Variants in ZNF236 observed in about 807,000 individuals in gnomAD.
ZNF236 encodes zinc finger protein 236.
Under a neutral mutation model 191.2 loss-of-function variants are expected in ZNF236, and 50 were observed. That is an observed-to-expected ratio of 0.26 (90% CI 0.21 to 0.33). The LOEUF is 0.33. Among genes scored for constraint, ZNF236 ranks in the 10% least tolerant of loss-of-function variants. ZNF236 has a pLI of 1.00. For missense variants in ZNF236, 1,754 were observed against 2,374.5 expected (o/e 0.74, Z 5.43); for synonymous variants, 907 against 928.8 (o/e 0.98, Z 0.43).
intron 4 of ZNF236, among the ~76,000 whole-genome samples, chr18:76,869,848 C>T (rs777077923): frequency 5.9e-5 from 9 of 152,022 alleles, no homozygotes; most frequent in South Asian, 2.1e-4. Flanking sequence ...CCCAGGTACT[C>T]GGGAGGCTGA....
intron 19 of ZNF236, among the ~76,000 whole-genome samples, chr18:76,916,901 C>T (rs1967381710): frequency 6.6e-6 from 1 of 152,200 alleles, no homozygotes; most frequent in Non-Finnish European, 1.5e-5. Context: ...ATCATCCTCT[C>T]TCAAGGTACT....
chr18:76,954,682 T>TC (rs1968482173), intron 27 of ZNF236, among the ~76,000 whole-genome samples: 1 of 152,210 alleles, frequency 6.6e-6, no homozygotes, highest in Non-Finnish European at 1.5e-5. Context: ...GGTGTCCTAT[T>TC]GTAGAATAAC....
intron 26 of ZNF236, among the ~76,000 whole-genome samples, chr18:76,940,105 C>CGTTTGGG (rs1161429356): frequency 7.0e-6 from 1 of 142,106 alleles, no homozygotes; most frequent in African/African-American, 2.7e-5. Flanking sequence ...CCTAGCACTG[C>CGTTTGGG]ATTTGGGAAC....
At chr18:76,955,916 T>C in intron 27 of ZNF236, 69 bp from the exon 28 acceptor site, 1 of 1,498,656 alleles carries the variant, frequency 6.7e-7, no homozygotes, top group Non-Finnish European at 9.1e-7. Flanking sequence ...CACCACGGTG[T>C]GTGTCAGTTC....
chr18:76,914,851 A>G (rs1232313321), intron 18 of ZNF236, among the ~76,000 whole-genome samples: 4 of 152,008 alleles, frequency 2.6e-5, no homozygotes, highest in Non-Finnish European at 4.4e-5. Flanking sequence ...TATATTCATT[A>G]TAAGTTTAAT....
Position 76,970,287 on chromosome 18 carries a change from A to G in ZNF236, c.*1948A>G, listed in dbSNP as rs1968886978. 1 of 152,630 alleles carries G rather than the reference A, an allele frequency of 6.6e-6. No individual in the cohort carries two copies. Among genetic ancestry groups the G allele is most frequent in the South Asian group, 2.1e-4 (1 of 4,834 alleles). 9.5% of individuals were successfully genotyped at this position (152,630 alleles called of 1,614,324 possible). On this transcript the variant is annotated 3_prime_UTR_variant, in exon 31 of 31. Coordinates refer to ENST00000320610, the MANE Select transcript of ZNF236 (RefSeq NM_001306089.2). Reference sequence around the variant, plus strand: ...TCTAAAAGGGGTTGTTTAATTCCTAATTGTATAGAAAGCTAGTTTGGTGAA... The same window carrying G: ...TCTAAAAGGGGTTGTTTAATTCCTAGTTGTATAGAAAGCTAGTTTGGTGAA...
At chr18:76,858,335 T>C (rs1316505187) in intron 3 of ZNF236, among the ~76,000 whole-genome samples, 1 of 152,208 alleles carries the variant, frequency 6.6e-6, no homozygotes, top group African/African-American at 2.4e-5. Flanking sequence ...GACTCACCAA[T>C]TGATAAATTT....
intron 4 of ZNF236, 112 bp from the exon 5 acceptor site, chr18:76,871,589 A>T: frequency 8.4e-7 from 1 of 1,187,512 alleles, no homozygotes; most frequent in Non-Finnish European, 1.2e-6. Context: ...ATTTATCATT[A>T]AAACAGGTTC....
intron 1 of ZNF236, among the ~76,000 whole-genome samples, chr18:76,845,766 T>C (rs1975656369): frequency 6.6e-6 from 1 of 151,964 alleles, no homozygotes; most frequent in Non-Finnish European, 1.5e-5. Flanking sequence ...GGAGAATCAA[T>C]TGAACCCGGG....
chr18:76,936,149 C>A (rs936952617), intron 25 of ZNF236: 3 of 430,880 alleles, frequency 7.0e-6, no homozygotes, highest in African/African-American at 2.1e-5. Context: ...TGCTGACAGG[C>A]GCGTGTTTCT....
At chr18:76,852,248 T>A (rs1975898853) in intron 3 of ZNF236, among the ~76,000 whole-genome samples, 1 of 152,192 alleles carries the variant, frequency 6.6e-6, no homozygotes, top group Non-Finnish European at 1.5e-5. Flanking sequence ...AAACTAACAT[T>A]TATACGATTC....
Position 76,915,838 on chromosome 18 carries a change from A to C in ZNF236, c.3253A>C (p.Thr1085Pro), listed in dbSNP as rs752655553. 53 of 1,613,072 alleles carry C rather than the reference A, an allele frequency of 3.3e-5. No individual in the cohort carries two copies. Among genetic ancestry groups the C allele is most frequent in the Non-Finnish European group, 4.3e-5 (51 of 1,179,142 alleles). Residue 1085 changes from threonine (T) to proline (P), a missense_variant, in exon 19 of 31, where the codon ACT becomes CCT. Thr to Pro is a conservative substitution (Grantham distance 38). Transcript: ENST00000320610. ...HQTVPSAVSATGETEGGDICM... is the reference protein window; with the variant it reads ...HQTVPSAVSAPGETEGGDICM... ...AACAGTCCCCTCTGCTGTGTCAGCCACTGGAGAGACAGAAGGAGGAGGTAT... is the reference window on the plus strand; with the variant it reads ...AACAGTCCCCTCTGCTGTGTCAGCCCCTGGAGAGACAGAAGGAGGAGGTAT...
At position 76,875,995 on chromosome 18, in the gene ZNF236, A is replaced by G. The variant is rs1192250853; in HGVS notation, c.840+331A>G. ...CTTTAGCAAACTTGAAACACAGGCA[A>G]GTGTAAGAAATTAAAAGATAAGAAA... On this transcript the variant is annotated intron_variant, in intron 6 of 30. Transcript: ENST00000320610. The surrounding 1 kb of genome is among the most constrained non-coding windows in gnomAD (Gnocchi z 4.3). Among the ~76,000 whole-genome samples, 1 of 152,364 alleles carries G rather than the reference A, an allele frequency of 6.6e-6. No homozygotes were observed. The highest frequency in any genetic ancestry group is 1.5e-5 in the Non-Finnish European group (1 of 68,034).
intron 3 of ZNF236, among the ~76,000 whole-genome samples, chr18:76,864,628 T>A (rs1976350921): frequency 6.6e-6 from 1 of 151,350 alleles, no homozygotes. Context: ...TTCTTCTCCT[T>A]ATGAATTCTT....
chr18:76,908,963 C>CTGTGTGTGTGTGTGTGTGTGTGTG (rs10524379), intron 14 of ZNF236, among the ~76,000 whole-genome samples: 1 of 147,122 alleles, frequency 6.8e-6, no homozygotes, highest in East Asian at 2.0e-4. Context: ...ATGTGTGTGT[C>CTGTGTGTGTGTGTGTGTGTGTGTG]TGTGTGTGTG....
chr18:76,945,976 T>A (rs1007191144), intron 26 of ZNF236, among the ~76,000 whole-genome samples: 1 of 150,704 alleles, frequency 6.6e-6, no homozygotes, highest in Non-Finnish European at 1.5e-5. Context: ...TGGCTTCTAT[T>A]TTGCCACCTG....
At chr18:76,893,958 C>T (rs1265922173) in intron 9 of ZNF236, among the ~76,000 whole-genome samples, 1 of 152,044 alleles carries the variant, frequency 6.6e-6, no homozygotes, top group African/African-American at 2.4e-5. Context: ...TTCTTTTTCC[C>T]TAAGAAAACT....
chr18:76,953,274 C>A (rs1196197373), intron 27 of ZNF236, among the ~76,000 whole-genome samples: 1 of 152,236 alleles, frequency 6.6e-6, no homozygotes, highest in Non-Finnish European at 1.5e-5. Context: ...AGGGGAGCCG[C>A]TGCAGCAAAC....
intron 30 of ZNF236, 128 bp from the exon 31 acceptor site, chr18:76,968,087 T>A: frequency 8.0e-7 from 1 of 1,251,594 alleles, no homozygotes; most frequent in Non-Finnish European, 1.1e-6. Context: ...CTTTTTTCAC[T>A]GGAATGAAAA....
Sources: gnomAD v4.1 joint callset for allele counts (sites outside exome capture counted in the v4.1 genomes callset) on GRCh38, gnomAD v4.1.1 for gene constraint, Gnocchi (gnomAD v3.1) non-coding constraint, MANE v1.5 for transcripts, NCBI Gene and HGNC (gene_info 2026-07-23, HGNC 2026-07-21) for gene names.